Variants in PLCG2 observed in about 807,000 individuals in gnomAD.
PLCG2 encodes the protein phospholipase C gamma 2.
Under a neutral mutation model 175.6 loss-of-function variants are expected in PLCG2, and 69 were observed. That is an observed-to-expected ratio of 0.39 (90% CI 0.32 to 0.48). PLCG2 has a LOEUF of 0.48. Ranked by LOEUF, PLCG2 falls within the 20% of genes least tolerant of loss-of-function variation. The pLI, the probability that PLCG2 is intolerant of heterozygous loss-of-function variation, is 0.91. For missense variants in PLCG2, 1,798 were observed against 1,650.9 expected (o/e 1.09, Z -1.54); for synonymous variants, 827 against 624.0 (o/e 1.33, Z -4.85).
intron 31 of PLCG2, among the ~76,000 whole-genome samples, chr16:81,951,014 G>T (rs1319191030): frequency 6.6e-6 from 1 of 151,668 alleles, no homozygotes; most frequent in Non-Finnish European, 1.5e-5. Context: ...TTGAGACAGT[G>T]TTTTTTTCTG....
At chr16:81,890,110 G>T (rs540582534) in intron 10 of PLCG2, among the ~76,000 whole-genome samples, 7 of 152,220 alleles carry the variant, frequency 4.6e-5, no homozygotes, top group Middle Eastern at 3.4e-3. Context: ...GCGAACGCCC[G>T]AAAAGACGTC....
intron 2 of PLCG2, among the ~76,000 whole-genome samples, chr16:81,834,772 A>G (rs116045950): frequency 0.015 from 2,337 of 152,258 alleles, 48 homozygotes; most frequent in African/African-American, 0.053. Context: ...GACGAGGACA[A>G]TCTCCTTTAA....
intron 2 of PLCG2, among the ~76,000 whole-genome samples, chr16:81,770,807 C>G (rs981622030): frequency 3.9e-5 from 6 of 152,042 alleles, no homozygotes; most frequent in African/African-American, 1.2e-4. Flanking sequence ...GCCTGTTATC[C>G]CAGCACTTTG....
chr16:81,836,624 C>A (rs997616215), intron 2 of PLCG2, among the ~76,000 whole-genome samples: 1 of 152,106 alleles, frequency 6.6e-6, no homozygotes, highest in Admixed American at 6.5e-5. Flanking sequence ...TCCTTTGGTC[C>A]CAGCTCCTTA....
At chr16:81,911,002 T>C (rs1336336920) in intron 18 of PLCG2, among the ~76,000 whole-genome samples, 3 of 152,330 alleles carry the variant, frequency 2.0e-5, no homozygotes, top group Admixed American at 6.5e-5. Flanking sequence ...AGGGTCATTT[T>C]GGCCTGGGGA....
chr16:81,876,267 C>G (rs1431451581), intron 7 of PLCG2, among the ~76,000 whole-genome samples: 2 of 152,144 alleles, frequency 1.3e-5, no homozygotes, highest in Non-Finnish European at 2.9e-5. Flanking sequence ...AAGTGATCCA[C>G]CCGCCTTGGC....
chr16:81,922,854 T>C (rs1435170996), intron 21 of PLCG2, among the ~76,000 whole-genome samples: 1 of 152,194 alleles, frequency 6.6e-6, no homozygotes, highest in Admixed American at 6.5e-5. Flanking sequence ...TTGAAGAAAA[T>C]TTCTAACCAA....
chr16:81,923,544 C>A lies in PLCG2; in HGVS notation c.2367C>A (p.Ser789Arg). 1 of 1,613,856 alleles carries A rather than the reference C, an allele frequency of 6.2e-7. No individual in the cohort carries two copies. Among genetic ancestry groups the A allele is most frequent in the East Asian group, 2.2e-5 (1 of 44,882 alleles). The change falls in exon 22 of 33, where the codon AGC becomes AGA. Residue 789 changes from serine (S) to arginine (R), a missense_variant. Physicochemically the swap from Ser to Arg is moderately radical, Grantham distance 110. Transcript: ENST00000564138. ...DYKAKRSDEL[S>R]FCRGALIHNV... ...AAGCCAAGCGAAGCGATGAGCTGAG[C>A]TTCTGCCGTGGTGCCCTCATCCACA...
At chr16:81,776,754 C>T (rs12926919), upstream of PLCG2, among the ~76,000 whole-genome samples, 93,856 of 152,106 alleles carry the variant, frequency 0.62, 29,150 homozygotes, top group South Asian at 0.68. Context: ...GGTGTTTTAC[C>T]ATGTTGGCCA....
intron 13 of PLCG2, among the ~76,000 whole-genome samples, chr16:81,896,939 C>A (rs958890363): frequency 6.6e-6 from 1 of 152,158 alleles, no homozygotes; most frequent in Non-Finnish European, 1.5e-5. Context: ...TCTGTCCCAC[C>A]AGAAGATCTT....
chr16:81,876,931 C>G (rs1004143290), intron 7 of PLCG2, among the ~76,000 whole-genome samples: 1 of 152,174 alleles, frequency 6.6e-6, no homozygotes, highest in African/African-American at 2.4e-5. Context: ...GTGTGGGATG[C>G]TAGAGATTTA....
chr16:81,890,886 G>A (rs62043999), intron 10 of PLCG2, among the ~76,000 whole-genome samples: 7,661 of 152,286 alleles, frequency 0.05, 266 homozygotes, highest in Non-Finnish European at 0.076. Flanking sequence ...TATGAGGCCG[G>A]GTGCAGTGGC....
chr16:81,846,026 C>G (rs1045925258), intron 2 of PLCG2, among the ~76,000 whole-genome samples: 1 of 152,184 alleles, frequency 6.6e-6, no homozygotes, highest in African/African-American at 2.4e-5. Context: ...TTGTGAGGAA[C>G]GATGAGTTAA....
chr16:81,800,302 G>A (rs758939023), intron 2 of PLCG2, among the ~76,000 whole-genome samples: 21 of 152,256 alleles, frequency 1.4e-4, no homozygotes, highest in Non-Finnish European at 1.6e-4. Context: ...GCACCTATCA[G>A]CTCATCACCT....
intron 14 of PLCG2, among the ~76,000 whole-genome samples, chr16:81,903,790 TC>T (rs1451890856): frequency 6.6e-6 from 1 of 152,164 alleles, no homozygotes; most frequent in Non-Finnish European, 1.5e-5. Context: ...TGCTGCCTGT[TC>T]CCAGGGAGTT....
intron 5 of PLCG2, among the ~76,000 whole-genome samples, chr16:81,861,249 C>T: frequency 6.6e-6 from 1 of 152,168 alleles, no homozygotes; most frequent in East Asian, 1.9e-4. Context: ...ATTATCCCAT[C>T]TAGATGTGTC....
chr16:81,902,621 T>G (rs527630219), intron 14 of PLCG2, among the ~76,000 whole-genome samples: 1 of 152,110 alleles, frequency 6.6e-6, no homozygotes, highest in Admixed American at 6.5e-5. Flanking sequence ...TTCCCACTTA[T>G]GAGAGCTCTA....
At chr16:81,844,777 A>G (rs1906025415) in intron 2 of PLCG2, among the ~76,000 whole-genome samples, 1 of 152,254 alleles carries the variant, frequency 6.6e-6, no homozygotes, top group African/African-American at 2.4e-5. Context: ...ACTTGTATAT[A>G]ATATGTACAT....
intron 9 of PLCG2, among the ~76,000 whole-genome samples, chr16:81,884,051 C>CA (rs1417559351): frequency 6.6e-6 from 1 of 152,194 alleles, no homozygotes; most frequent in Non-Finnish European, 1.5e-5. Flanking sequence ...CCCTACCCCC[C>CA]AGCGAAGAAG....
Sources: allele counts gnomAD v4.1 joint callset (sites outside exome capture counted in the v4.1 genomes callset), GRCh38; gene constraint gnomAD v4.1.1; transcripts MANE v1.5; gene names NCBI Gene and HGNC (gene_info 2026-07-23, HGNC 2026-07-21).